The following MAD1L1 variants were observed in gnomAD, a reference collection of about 807,000 sequenced individuals.
The protein encoded by MAD1L1 is mitotic spindle assembly checkpoint protein MAD1.
A neutral mutation model predicts 96.9 loss-of-function variants in MAD1L1; 95 were observed. The ratio of observed to expected loss-of-function variants is 0.98; its 90% CI spans 0.83 to 1.16. The LOEUF is 1.16. MAD1L1 is among the 50% of genes most tolerant of loss of function. The pLI is 0.00. For synonymous variants in MAD1L1, 473 were observed against 396.6 expected (o/e 1.19, Z -2.29); for missense variants, 1,007 against 954.4 (o/e 1.06, Z -0.73).
intron 17 of MAD1L1, among the ~76,000 whole-genome samples, chr7:1,905,594 G>A (rs528772183): frequency 7.2e-5 from 11 of 152,316 alleles, no homozygotes; most frequent in East Asian, 1.9e-4. Flanking sequence ...CAGCGAGGAC[G>A]CAGTAGCCTA....
intron 17 of MAD1L1, among the ~76,000 whole-genome samples, chr7:1,936,336 G>T (rs1778600804): frequency 6.6e-6 from 1 of 152,252 alleles, no homozygotes; most frequent in African/African-American, 2.4e-5. Flanking sequence ...TTAAGCTGGT[G>T]AGAGATGGAC....
chr7:1,967,981 T>C (rs946593027), intron 15 of MAD1L1, among the ~76,000 whole-genome samples: 2 of 150,212 alleles, frequency 1.3e-5, no homozygotes, highest in African/African-American at 2.5e-5. Flanking sequence ...ACAGAGCACG[T>C]GGCAAACTCC....
chr7:2,215,367 A>C (rs1584570273), intron 9 of MAD1L1, among the ~76,000 whole-genome samples: 1 of 125,766 alleles, frequency 8.0e-6, no homozygotes. Context: ...ACAGGGCGAG[A>C]CTCCATCTCA....
intron 18 of MAD1L1, among the ~76,000 whole-genome samples, chr7:1,852,366 C>A (rs958923504): frequency 1.3e-5 from 2 of 152,148 alleles, no homozygotes; most frequent in Admixed American, 6.5e-5. Flanking sequence ...GGTGTCTCTG[C>A]CACCCTTAGA....
chr7:1,878,166 A>T (rs1785482850), intron 18 of MAD1L1, among the ~76,000 whole-genome samples: 1 of 152,204 alleles, frequency 6.6e-6, no homozygotes, highest in African/African-American at 2.4e-5. Context: ...CTATTAAATT[A>T]AATGCATAAT....
chr7:2,147,735 G>A (rs994245763), intron 11 of MAD1L1, among the ~76,000 whole-genome samples: 2 of 152,240 alleles, frequency 1.3e-5, no homozygotes, highest in Non-Finnish European at 2.9e-5. Context: ...GCTGCTCCCT[G>A]AGACAGAGAC....
rs2128560264 is a variant in MAD1L1, at chr7:2,119,140, A to G, written c.1073+30012T>C. On this transcript the variant is annotated intron_variant, in intron 11 of 18. Transcript: ENST00000265854. This position sits in a 1 kb window ranked among gnomAD's most constrained non-coding sequence, Gnocchi z 4.6. ...CTCTTGGTGAAGCCGTGTTTCCACA[A>G]AGCAAGAAGGTTCAGGCCAGGCAGC... Among the ~76,000 whole-genome samples, 1 of 151,888 alleles carries G rather than the reference A, an allele frequency of 6.6e-6. No homozygotes were observed. Among genetic ancestry groups the G allele is most frequent in the Admixed American group, 6.6e-5 (1 of 15,264 alleles).
chr7:1,917,493 C>T (rs1387696495), intron 17 of MAD1L1, among the ~76,000 whole-genome samples: 1 of 152,256 alleles, frequency 6.6e-6, no homozygotes, highest in Non-Finnish European at 1.5e-5. Context: ...CACCGCCTGG[C>T]CGGGGCTCAG....
At chr7:2,215,823 C>T (rs552700490) in intron 9 of MAD1L1, 62 bp downstream of exon 9, 20 of 1,484,740 alleles carry the variant, frequency 1.3e-5, no homozygotes, top group Admixed American at 1.3e-4. Context: ...ACCACAATAC[C>T]GAGGCTCCTC....
intron 11 of MAD1L1, among the ~76,000 whole-genome samples, chr7:2,140,450 C>A (rs186426239): frequency 1.9e-4 from 29 of 152,372 alleles, no homozygotes; most frequent in Middle Eastern, 3.4e-3. Context: ...GCCGCAGCCG[C>A]AAAGCCGGGA....
chr7:2,014,451 C>A, intron 13 of MAD1L1, 51 bp downstream of exon 13: 1 of 1,515,470 alleles, frequency 6.6e-7, no homozygotes. Flanking sequence ...CAAGGCCCAC[C>A]GGGAAGAAGC....
In MAD1L1 at chr7:1,968,632, C is replaced by A. The variant is rs1215020882; in HGVS notation, c.1506-10913G>T. On this transcript the variant is annotated intron_variant, in intron 15 of 18. Coordinates refer to ENST00000265854, the MANE Select transcript of MAD1L1 (RefSeq NM_001013836.2). The surrounding 1 kb of genome is among the most constrained non-coding windows in gnomAD (Gnocchi z 5.6). ...GTCCGCTGTCAACGCCTCAGTCCAG[C>A]GGTCAGGTCCACCTGCTGTTGCGTG... Among the ~76,000 whole-genome samples, 1 of 152,232 alleles carries A rather than the reference C, an allele frequency of 6.6e-6. No homozygotes were observed. The highest frequency in any genetic ancestry group is 1.5e-5 in the Non-Finnish European group (1 of 68,046).
intron 14 of MAD1L1, among the ~76,000 whole-genome samples, chr7:2,001,485 C>T (rs1226138555): frequency 6.6e-6 from 1 of 152,274 alleles, no homozygotes; most frequent in African/African-American, 2.4e-5. Context: ...CGGGCCCACA[C>T]TGCGGGCCCC....
At chr7:1,856,705 G>A (rs4236273) in intron 18 of MAD1L1, among the ~76,000 whole-genome samples, 105,172 of 152,152 alleles carry the variant, frequency 0.69, 37,528 homozygotes, top group African/African-American at 0.88. Context: ...TAGCCCCGCC[G>A]CGCTCCAGAC....
intron 11 of MAD1L1, among the ~76,000 whole-genome samples, chr7:2,139,614 A>G (rs935016079): frequency 6.6e-6 from 1 of 151,352 alleles, no homozygotes; most frequent in Non-Finnish European, 1.5e-5. Flanking sequence ...GCCACAGAGG[A>G]CACCCGCCGC....
At chr7:2,072,748 G>A (rs1446984965) in intron 11 of MAD1L1, among the ~76,000 whole-genome samples, 1 of 152,236 alleles carries the variant, frequency 6.6e-6, no homozygotes, top group Non-Finnish European at 1.5e-5. Context: ...CACAGCACAG[G>A]CATCTGGCCA....
At chr7:1,867,023 C>A (rs138652327) in intron 18 of MAD1L1, among the ~76,000 whole-genome samples, 1 of 152,312 alleles carries the variant, frequency 6.6e-6, no homozygotes, top group Non-Finnish European at 1.5e-5. Flanking sequence ...GGGCTCCTGA[C>A]CGCAGAGTGG....
At chr7:1,824,165 T>A in intron 18 of MAD1L1, among the ~76,000 whole-genome samples, 1 of 152,074 alleles carries the variant, frequency 6.6e-6, no homozygotes, top group East Asian at 1.9e-4. Flanking sequence ...CAACAGACCT[T>A]CCAGATAGAC....
At chr7:2,136,862 G>C (rs959650123) in intron 11 of MAD1L1, among the ~76,000 whole-genome samples, 2 of 152,226 alleles carry the variant, frequency 1.3e-5, no homozygotes, top group Admixed American at 1.3e-4. Context: ...GCAGTGGCCA[G>C]CTTCAAGGCT....
Sources: allele counts gnomAD v4.1 joint callset (sites outside exome capture counted in the v4.1 genomes callset), GRCh38; gene constraint gnomAD v4.1.1; non-coding constraint Gnocchi (gnomAD v3.1); transcripts MANE v1.5; gene names NCBI Gene and HGNC (gene_info 2026-07-23, HGNC 2026-07-21).